The following NRG1 variants were observed in gnomAD, a reference collection of about 807,000 sequenced individuals.
NRG1 encodes neuregulin 1.
In NRG1, 18 loss-of-function variants were observed where a neutral mutation model predicts 63.8. The ratio of observed to expected loss-of-function variants is 0.28; its 90% CI spans 0.19 to 0.42. NRG1 has a LOEUF of 0.42. Ranked by LOEUF, NRG1 falls within the 10% of genes least tolerant of loss-of-function variation. The pLI is 1.00. For missense variants in NRG1, 762 were observed against 814.7 expected (o/e 0.94, Z 0.79); for synonymous variants, 302 against 301.3 (o/e 1.00, Z -0.02).
At chr8:31,830,664 T>C (rs1825056295) in intron 1 of NRG1, among the ~76,000 whole-genome samples, 1 of 152,132 alleles carries the variant, frequency 6.6e-6, no homozygotes, top group Non-Finnish European at 1.5e-5. Flanking sequence ...CTTGTCTTCC[T>C]GTTCCTAAAT....
chr8:32,203,965 A>G (rs1007293563), intron 1 of NRG1, among the ~76,000 whole-genome samples: 6 of 152,206 alleles, frequency 3.9e-5, no homozygotes, highest in African/African-American at 1.2e-4. Flanking sequence ...AAGTGTAGCA[A>G]TGGAAAATCA....
chr8:31,689,552 G>A (rs1362048351), intron 1 of NRG1, among the ~76,000 whole-genome samples: 5 of 152,044 alleles, frequency 3.3e-5, no homozygotes. Flanking sequence ...CTTCTTGCCC[G>A]CTTTTCCCAT....
chr8:32,479,283 C>T (rs1824926513), intron 1 of NRG1, among the ~76,000 whole-genome samples: 1 of 151,920 alleles, frequency 6.6e-6, no homozygotes, highest in South Asian at 2.1e-4. Context: ...TGAGACCAGC[C>T]TGGCCAACAT....
At chr8:32,252,965 T>A (rs1849285398) in intron 1 of NRG1, among the ~76,000 whole-genome samples, 1 of 152,220 alleles carries the variant, frequency 6.6e-6, no homozygotes. Flanking sequence ...CCATTGTGAA[T>A]GGGAGTTCAC....
chr8:31,911,847 T>C (rs1832970067), intron 1 of NRG1, among the ~76,000 whole-genome samples: 1 of 152,196 alleles, frequency 6.6e-6, no homozygotes, highest in African/African-American at 2.4e-5. Flanking sequence ...AATCTCTTGA[T>C]TTGTGAAGAT....
intron 1 of NRG1, among the ~76,000 whole-genome samples, chr8:32,195,287 A>T (rs1657297577): frequency 6.6e-6 from 1 of 152,020 alleles, no homozygotes; most frequent in Non-Finnish European, 1.5e-5. Context: ...TATATTAAAA[A>T]AATTTAGCTT....
intron 1 of NRG1, among the ~76,000 whole-genome samples, chr8:31,735,751 C>T (rs752008902): frequency 7.9e-5 from 12 of 152,188 alleles, no homozygotes; most frequent in Non-Finnish European, 1.2e-4. Context: ...GCTGCTCACT[C>T]GCTAATTATC....
At chr8:32,759,409 C>T (rs1589635552) in exon 10 of NRG1, 1 of 1,613,896 alleles carries the variant, frequency 6.2e-7, no homozygotes, top group Middle Eastern at 1.7e-4. Context: ...CATCACTCCA[C>T]TACTGTCACC....
At chr8:32,657,318 A>G (rs996379885) in intron 5 of NRG1, among the ~76,000 whole-genome samples, 1 of 151,484 alleles carries the variant, frequency 6.6e-6, no homozygotes, top group Non-Finnish European at 1.5e-5. Context: ...CATACTTGCC[A>G]TTCACAGTTA....
intron 1 of NRG1, among the ~76,000 whole-genome samples, chr8:31,939,428 CAATACTCA>C (rs1039589099): frequency 2.6e-5 from 4 of 151,556 alleles, no homozygotes; most frequent in African/African-American, 7.3e-5. Context: ...ATCCTGAAAC[CAATACTCA>C]AAATACACCA....
At chr8:31,800,908 T>C (rs1232018902) in intron 1 of NRG1, among the ~76,000 whole-genome samples, 2 of 144,970 alleles carry the variant, frequency 1.4e-5, no homozygotes, top group Non-Finnish European at 3.0e-5. Context: ...TGGTGCGATC[T>C]CGGTTCACTG....
At chr8:32,400,003 C>T (rs1486497909) in intron 1 of NRG1, among the ~76,000 whole-genome samples, 1 of 152,184 alleles carries the variant, frequency 6.6e-6, no homozygotes, top group Admixed American at 6.5e-5. Flanking sequence ...CCTCTTCACA[C>T]CCATGAGGGT....
chr8:32,762,026 A>T (rs1830782450), intron 11 of NRG1, among the ~76,000 whole-genome samples: 1 of 135,526 alleles, frequency 7.4e-6, no homozygotes, highest in Admixed American at 7.4e-5. Context: ...GCAACAGAGC[A>T]AGACTCCGCC....
At chr8:32,039,743 G>A (rs557314691) in intron 1 of NRG1, among the ~76,000 whole-genome samples, 48 of 152,240 alleles carry the variant, frequency 3.2e-4, no homozygotes, top group Non-Finnish European at 5.9e-4. Flanking sequence ...TCAATGCTAG[G>A]CATGGTGGTT....
At chr8:32,745,207 A>G (rs1056786003) in intron 7 of NRG1, among the ~76,000 whole-genome samples, 1 of 152,182 alleles carries the variant, frequency 6.6e-6, no homozygotes, top group Non-Finnish European at 1.5e-5. Flanking sequence ...GCCAGAATAA[A>G]GATAGAGAAT....
At chr8:32,183,453 A>G (rs1383667837) in intron 1 of NRG1, among the ~76,000 whole-genome samples, 1 of 152,164 alleles carries the variant, frequency 6.6e-6, no homozygotes, top group Non-Finnish European at 1.5e-5. Flanking sequence ...CAAAGGCAAA[A>G]TGCTGCAGGG....
At chr8:32,686,327 G>A (rs963289458) in intron 5 of NRG1, among the ~76,000 whole-genome samples, 3 of 152,122 alleles carry the variant, frequency 2.0e-5, no homozygotes, top group South Asian at 2.1e-4. Context: ...ACAAAAAGAC[G>A]AGAAAAGGAA....
intron 1 of NRG1, among the ~76,000 whole-genome samples, chr8:32,540,642 T>A (rs1468823230): frequency 6.6e-6 from 1 of 152,120 alleles, no homozygotes; most frequent in African/African-American, 2.4e-5. Flanking sequence ...ACAAACAGAT[T>A]ATTCACAAAT....
chr8:32,767,672 C>T (rs1831533229), exon 12 of NRG1: 1 of 151,940 alleles, frequency 6.6e-6, no homozygotes, highest in African/African-American at 2.4e-5. Context: ...GAGTTGTTTT[C>T]ATATAAGTTT....
Sources: allele counts gnomAD v4.1 joint callset (sites outside exome capture counted in the v4.1 genomes callset), GRCh38; gene constraint gnomAD v4.1.1; transcripts MANE v1.5; gene names NCBI Gene and HGNC (gene_info 2026-07-23, HGNC 2026-07-21).